Variants in PSMA1 observed in about 807,000 individuals in gnomAD.
PSMA1 encodes proteasome subunit alpha type-1.
Under a neutral mutation model 38.4 loss-of-function variants are expected in PSMA1, and 3 were observed. The observed-to-expected ratio is 0.08, with a 90% confidence interval of 0.04 to 0.20. The LOEUF (loss-of-function observed/expected upper bound fraction) is 0.20. Among genes scored for constraint, PSMA1 ranks in the 10% least tolerant of loss-of-function variants. PSMA1 has a pLI of 1.00. For synonymous variants in PSMA1, 101 were observed against 107.1 expected, an observed-to-expected ratio of 0.94 and a Z score of 0.35; for missense variants, 227 against 325.3, an observed-to-expected ratio of 0.70 and a Z score of 2.32.
chr11:14,594,191 T>A (rs1852456376), intron 2 of PSMA1, among the ~76,000 whole-genome samples: 2 of 152,196 alleles, frequency 1.3e-5, no homozygotes, highest in African/African-American at 4.8e-5. Context: ...GTAATAAATG[T>A]TTCTTATTAT....
At chr11:14,535,820 G>T (rs1851700651) in intron 2 of PSMA1, among the ~76,000 whole-genome samples, 1 of 152,012 alleles carries the variant, frequency 6.6e-6, no homozygotes, top group African/African-American at 2.4e-5. Context: ...ACTAATAATG[G>T]TCTTTAAATT....
chr11:14,599,373 A>G (rs941432444), intron 2 of PSMA1, among the ~76,000 whole-genome samples: 8 of 152,356 alleles, frequency 5.3e-5, no homozygotes, highest in Admixed American at 2.6e-4. Flanking sequence ...TTTCAAGTAC[A>G]CCAATCAGAC....
At chr11:14,560,912 A>G (rs760492678) in intron 2 of PSMA1, among the ~76,000 whole-genome samples, 7 of 152,262 alleles carry the variant, frequency 4.6e-5, no homozygotes, top group Non-Finnish European at 8.8e-5. Context: ...GTTTTAAAAT[A>G]TAGGCATATA....
intron 1 of PSMA1, among the ~76,000 whole-genome samples, chr11:14,621,208 T>G (rs1405493890): frequency 6.6e-6 from 1 of 152,222 alleles, no homozygotes; most frequent in South Asian, 2.1e-4. Flanking sequence ...CAAGATCATG[T>G]TTTGCTTTAT....
At chr11:14,600,217 G>A (rs1213698927) in intron 2 of PSMA1, among the ~76,000 whole-genome samples, 2 of 152,210 alleles carry the variant, frequency 1.3e-5, no homozygotes, top group Non-Finnish European at 1.5e-5. Flanking sequence ...TCCACTTGAG[G>A]AGGCAGTCTG....
intron 1 of PSMA1, among the ~76,000 whole-genome samples, chr11:14,639,079 A>C (rs1354048712): frequency 6.6e-6 from 1 of 152,184 alleles, no homozygotes; most frequent in African/African-American, 2.4e-5. Flanking sequence ...TGCTCTGAAA[A>C]CTTGAAACGG....
intron 2 of PSMA1, among the ~76,000 whole-genome samples, chr11:14,546,317 GC>G (rs201777559): frequency 0.015 from 2,323 of 151,698 alleles, 27 homozygotes; most frequent in Non-Finnish European, 0.026. Flanking sequence ...TCTCCACCCT[GC>G]CCCCCAACAA....
At chr11:14,585,890 G>T (rs1239467181) in intron 2 of PSMA1, among the ~76,000 whole-genome samples, 2 of 152,010 alleles carry the variant, frequency 1.3e-5, no homozygotes, top group Non-Finnish European at 2.9e-5. Context: ...AAAAAATCTG[G>T]TGTCCAGACC....
At chr11:14,573,580 G>A (rs2134179445) in intron 2 of PSMA1, among the ~76,000 whole-genome samples, 1 of 152,270 alleles carries the variant, frequency 6.6e-6, no homozygotes. Context: ...AAAACTGGAA[G>A]CATTCCCTTT....
At chr11:14,505,321 T>C in intron 9 of PSMA1, 73 bp from the exon 10 acceptor site, 2 of 1,253,106 alleles carry the variant, frequency 1.6e-6, no homozygotes, top group South Asian at 1.2e-5. Flanking sequence ...ATCACAAATA[T>C]TACGTTATTA....
chr11:14,585,123 T>C (rs1425298979), intron 2 of PSMA1, among the ~76,000 whole-genome samples: 1 of 152,248 alleles, frequency 6.6e-6, no homozygotes, highest in Non-Finnish European at 1.5e-5. Context: ...TACATGCTTC[T>C]TTGGAATTGT....
At chr11:14,576,537 A>G (rs1458282573) in intron 2 of PSMA1, among the ~76,000 whole-genome samples, 1 of 152,180 alleles carries the variant, frequency 6.6e-6, no homozygotes, top group African/African-American at 2.4e-5. Context: ...TAAATAGGGA[A>G]TCCTTTCCCC....
chr11:14,514,087 A>G, intron 5 of PSMA1, 200 bp from the exon 6 acceptor site: 1 of 1,319,104 alleles, frequency 7.6e-7, no homozygotes, highest in Non-Finnish European at 9.6e-7. Flanking sequence ...GAGTGCCAGC[A>G]AAATAATTTC....
At chr11:14,556,398 C>T (rs573023034) in intron 2 of PSMA1, among the ~76,000 whole-genome samples, 9 of 152,202 alleles carry the variant, frequency 5.9e-5, no homozygotes, top group South Asian at 2.1e-4. Flanking sequence ...ATATTTCCTA[C>T]GGGACATGAA....
At chr11:14,637,945 T>A (rs573310306) in intron 1 of PSMA1, among the ~76,000 whole-genome samples, 1 of 152,314 alleles carries the variant, frequency 6.6e-6, no homozygotes, top group Admixed American at 6.5e-5. Context: ...TCCTGTGAAG[T>A]CCTGAAGGGA....
chr11:14,530,772 C>T (rs1035278842), intron 2 of PSMA1, among the ~76,000 whole-genome samples: 4 of 151,912 alleles, frequency 2.6e-5, no homozygotes, highest in African/African-American at 4.8e-5. Context: ...TGCGGTGGTG[C>T]ACGCCTGTAA....
intron 2 of PSMA1, among the ~76,000 whole-genome samples, chr11:14,558,675 G>T (rs1851970220): frequency 6.6e-6 from 1 of 152,198 alleles, no homozygotes. Flanking sequence ...AACAATGTGA[G>T]GACAGAGAAG....
chr11:14,613,529 T>C (rs1020440107), intron 1 of PSMA1, among the ~76,000 whole-genome samples: 2 of 152,094 alleles, frequency 1.3e-5, no homozygotes, highest in Non-Finnish European at 2.9e-5. Flanking sequence ...GCTGGGATTA[T>C]AGGCGTGAGC....
chr11:14,568,489 A>C (rs1021216196), intron 2 of PSMA1, among the ~76,000 whole-genome samples: 2 of 152,176 alleles, frequency 1.3e-5, no homozygotes, highest in African/African-American at 4.8e-5. Flanking sequence ...TGACATTGCT[A>C]ATCTATCATA....
Sources: allele counts gnomAD v4.1 joint callset (sites outside exome capture counted in the v4.1 genomes callset), GRCh38; gene constraint gnomAD v4.1.1; transcripts MANE v1.5; gene names NCBI Gene and HGNC (gene_info 2026-07-23, HGNC 2026-07-21).